The following USP15 variants were observed in gnomAD, a reference collection of about 807,000 sequenced individuals.
The protein encoded by USP15 is ubiquitin carboxyl-terminal hydrolase 15.
USP15 carries 18 observed loss-of-function variants against 127.1 expected under a neutral mutation model. The observed-to-expected ratio is 0.14, with a 90% CI of 0.10 to 0.21. The LOEUF (loss-of-function observed/expected upper bound fraction) is 0.21, where lower values mean the gene tolerates loss of function less well. USP15 is among the 10% of genes least tolerant of loss of function. USP15 has a pLI of 1.00. For synonymous variants in USP15, 364 were observed against 393.7 expected (o/e 0.92, Z 0.89); for missense variants, 805 against 1,159.9 (o/e 0.69, Z 4.44).
At chr12:62,265,234 A>G (rs2063164982) in intron 1 of USP15, among the ~76,000 whole-genome samples, 1 of 152,136 alleles carries the variant, frequency 6.6e-6, no homozygotes, top group South Asian at 2.1e-4. Flanking sequence ...TTTTTGCAAA[A>G]TGGTTTTGTG....
At chr12:62,262,539 A>G (rs768331942) in intron 1 of USP15, among the ~76,000 whole-genome samples, 1 of 152,216 alleles carries the variant, frequency 6.6e-6, no homozygotes, top group Non-Finnish European at 1.5e-5. Flanking sequence ...GGTAGCATTG[A>G]CACTACAGGA....
intron 3 of USP15, chr12:62,304,863 G>T: frequency 4.2e-6 from 1 of 237,512 alleles, no homozygotes; most frequent in South Asian, 4.6e-5. Context: ...GAGAAGTAGG[G>T]CAAAACTATT....
intron 8 of USP15, among the ~76,000 whole-genome samples, chr12:62,358,507 G>A (rs962489948): frequency 2.0e-5 from 3 of 152,132 alleles, no homozygotes; most frequent in Admixed American, 2.0e-4. Flanking sequence ...CTGAAGTCAG[G>A]AGTTTGAGAC....
chr12:62,382,479 A>G (rs1438111902), intron 9 of USP15, among the ~76,000 whole-genome samples: 7 of 151,940 alleles, frequency 4.6e-5, no homozygotes, highest in African/African-American at 1.4e-4. Flanking sequence ...GCAAATCAAA[A>G]TGCCTCTGTA....
chr12:62,341,052 G>T (rs1592625751), intron 6 of USP15, among the ~76,000 whole-genome samples: 1 of 152,072 alleles, frequency 6.6e-6, no homozygotes, highest in East Asian at 1.9e-4. Context: ...ATGAATCTGG[G>T]TGCTCCTATA....
chr12:62,349,414 T>C lies in USP15; in HGVS notation c.770+107T>C, dbSNP rs1195619034. ...GGATAAAAGTCTTAATGCATTAAAA[T>C]TGGTTTTCTTTTAAATTACCGGTCA... On this transcript the variant is annotated intron_variant, in intron 7 of 21. Coordinates refer to ENST00000280377, the MANE Select transcript of USP15 (RefSeq NM_001252078.2). The C allele has an allele frequency of 6.2e-6, 4 of 643,418 alleles. No homozygotes were observed. The East Asian group carries it at 1.4e-4, about 22-fold the overall frequency. 39.9% of individuals were successfully genotyped at this position (643,418 alleles called of 1,614,324 possible).
intron 8 of USP15, among the ~76,000 whole-genome samples, chr12:62,381,036 A>G (rs2066977496): frequency 6.6e-6 from 1 of 152,072 alleles, no homozygotes; most frequent in African/African-American, 2.4e-5. Flanking sequence ...CTGCTCTTTC[A>G]TGATAAATAA....
In USP15 at chr12:62,396,187, GATAGAT is replaced by G. The variant is rs560872292; in HGVS notation, c.2571-98_2571-93del. On this transcript the variant is annotated intron_variant, in intron 19 of 21. Coordinates refer to ENST00000280377, the MANE Select transcript of USP15 (RefSeq NM_001252078.2). Reference sequence around the variant, plus strand: ...ATATATAGATAGATATATATAGATGGATAGATATAGATATATATATGTATGTCAAAC... The same window carrying G: ...ATATATAGATAGATATATATAGATGGATAGATATATATATGTATGTCAAAC... The G allele has an allele frequency of 5.7e-4, 336 of 591,406 alleles. 3 individuals carry two copies. The highest frequency in any genetic ancestry group is 5.6e-3 in the African/African-American group (293 of 52,102). The allele number at this position is 591,406 out of a possible 1,614,324, so 36.6% of individuals were successfully genotyped here.
At chr12:62,364,595 G>T (rs2137491938) in intron 8 of USP15, among the ~76,000 whole-genome samples, 1 of 151,850 alleles carries the variant, frequency 6.6e-6, no homozygotes. Context: ...AAGTTCTGGG[G>T]TACATGTGCG....
chr12:62,359,765 A>T (rs1438341223), intron 8 of USP15, among the ~76,000 whole-genome samples: 1 of 152,118 alleles, frequency 6.6e-6, no homozygotes, highest in Non-Finnish European at 1.5e-5. Context: ...GCTGATAAGG[A>T]AGGGATATAA....
At chr12:62,375,058 T>C (rs974060635) in intron 8 of USP15, among the ~76,000 whole-genome samples, 1 of 152,110 alleles carries the variant, frequency 6.6e-6, no homozygotes, top group African/African-American at 2.4e-5. Flanking sequence ...CTGAATATAT[T>C]GAACCATATC....
intron 20 of USP15, among the ~76,000 whole-genome samples, chr12:62,397,196 T>C (rs1163441949): frequency 1.3e-5 from 2 of 152,258 alleles, no homozygotes; most frequent in South Asian, 2.1e-4. Flanking sequence ...GAAATGGTTT[T>C]GTAAGTTTTT....
At chr12:62,374,776 TTAG>T (rs2066771794) in intron 8 of USP15, among the ~76,000 whole-genome samples, 1 of 152,116 alleles carries the variant, frequency 6.6e-6, no homozygotes, top group African/African-American at 2.4e-5. Context: ...CAGAACATAC[TTAG>T]TAGAAGTACT....
At chr12:62,385,693 T>TTAG (rs1162784249) in intron 11 of USP15, among the ~76,000 whole-genome samples, 1 of 152,000 alleles carries the variant, frequency 6.6e-6, no homozygotes, top group Non-Finnish European at 1.5e-5. Flanking sequence ...GTTATATCCT[T>TTAG]TAGATATTCA....
intron 6 of USP15, among the ~76,000 whole-genome samples, chr12:62,342,077 G>A (rs578109340): frequency 2.0e-5 from 3 of 152,150 alleles, no homozygotes; most frequent in Admixed American, 6.5e-5. Flanking sequence ...TTTTCACATA[G>A]TCCCATATTT....
chr12:62,303,883 C>T (rs2064398456), intron 3 of USP15, among the ~76,000 whole-genome samples: 1 of 151,614 alleles, frequency 6.6e-6, no homozygotes, highest in Non-Finnish European at 1.5e-5. Flanking sequence ...TAGAATTTCT[C>T]TGTTGTAGGA....
intron 1 of USP15, among the ~76,000 whole-genome samples, chr12:62,291,382 A>T (rs185367967): frequency 6.6e-6 from 1 of 152,174 alleles, no homozygotes; most frequent in Admixed American, 6.5e-5. Flanking sequence ...CCTTCAGTGA[A>T]TTTTTTATTT....
intron 8 of USP15, among the ~76,000 whole-genome samples, chr12:62,375,696 T>C (rs1450489406): frequency 6.6e-6 from 1 of 152,084 alleles, no homozygotes. Flanking sequence ...AAGGCAAGAG[T>C]GCATGCAGTC....
chr12:62,270,783 T>C (rs2063330496), intron 1 of USP15, among the ~76,000 whole-genome samples: 1 of 152,122 alleles, frequency 6.6e-6, no homozygotes, highest in Non-Finnish European at 1.5e-5. Context: ...CAACAACTTT[T>C]CAAGTTTGTT....
Sources: gnomAD v4.1 joint callset for allele counts (sites outside exome capture counted in the v4.1 genomes callset) on GRCh38, gnomAD v4.1.1 for gene constraint, MANE v1.5 for transcripts, NCBI Gene and HGNC (gene_info 2026-07-23, HGNC 2026-07-21) for gene names.